The following HECW1 variants were observed in gnomAD, a reference collection of about 807,000 sequenced individuals.
The protein encoded by HECW1 is HECT, C2 and WW domain containing E3 ubiquitin protein ligase 1, also known as E3 ubiquitin-protein ligase HECW1.
HECW1 carries 61 observed loss-of-function variants against 182.3 expected under a neutral mutation model. The ratio of observed to expected loss-of-function variants is 0.33; its 90% CI spans 0.27 to 0.41. The LOEUF (loss-of-function observed/expected upper bound fraction) is 0.41, where lower values mean the gene tolerates loss of function less well. HECW1 is among the 10% of genes least tolerant of loss of function. HECW1 has a pLI of 1.00. For missense variants in HECW1, 1,739 were observed against 2,108.9 expected (o/e 0.82, Z 3.44); for synonymous variants, 859 against 832.6 (o/e 1.03, Z -0.55).
chr7:43,249,569 A>C (rs936440639), intron 3 of HECW1: 1 of 152,246 alleles, frequency 6.6e-6, no homozygotes, highest in African/African-American at 2.4e-5. Context: ...CTGTCTAGAA[A>C]AGGAGACCGG....
chr7:43,394,818 G>A (rs961857173), intron 6 of HECW1, among the ~76,000 whole-genome samples: 7 of 152,154 alleles, frequency 4.6e-5, no homozygotes, highest in Non-Finnish European at 7.3e-5. Flanking sequence ...TGTGCTGTGC[G>A]GGAGACCGGA....
intron 3 of HECW1, chr7:43,249,280 G>A (rs902280482): frequency 6.6e-5 from 10 of 152,546 alleles, no homozygotes; most frequent in East Asian, 5.8e-4. Flanking sequence ...GCCTGTCCCA[G>A]TAACTGTTCC....
intron 2 of HECW1, among the ~76,000 whole-genome samples, chr7:43,186,491 C>T (rs1197678557): frequency 1.3e-5 from 2 of 152,010 alleles, no homozygotes; most frequent in East Asian, 1.9e-4. Context: ...CACGGTGAAA[C>T]CCCGTCTTTA....
intron 2 of HECW1, among the ~76,000 whole-genome samples, chr7:43,240,285 C>CAAAGCTTCAGGTTTCAT (rs1377056700): frequency 7.9e-5 from 12 of 152,102 alleles, no homozygotes; most frequent in African/African-American, 2.9e-4. Context: ...TTGCAGTGAG[C>CAAAGCTTCAGGTTTCAT]CGAGATCTGG....
At chr7:43,478,010 G>GAA (rs35466782) in intron 16 of HECW1, among the ~76,000 whole-genome samples, 1 of 151,484 alleles carries the variant, frequency 6.6e-6, no homozygotes, top group African/African-American at 2.4e-5. Flanking sequence ...GGGTTTTGTT[G>GAA]AAAAAAAAGG....
At chr7:43,185,969 T>A (rs976289632) in intron 2 of HECW1, among the ~76,000 whole-genome samples, 1 of 152,278 alleles carries the variant, frequency 6.6e-6, no homozygotes, top group African/African-American at 2.4e-5. Flanking sequence ...GGATGGGATA[T>A]GGGTTAGGTT....
chr7:43,200,206 G>GCTTTC (rs1465247768), intron 2 of HECW1, among the ~76,000 whole-genome samples: 2 of 152,114 alleles, frequency 1.3e-5, no homozygotes, highest in Non-Finnish European at 2.9e-5. Flanking sequence ...CCAAAAAAAG[G>GCTTTC]CTTTCCTGAA....
chr7:43,474,286 A>T (rs1368327885), intron 16 of HECW1, among the ~76,000 whole-genome samples: 1 of 152,076 alleles, frequency 6.6e-6, no homozygotes, highest in Non-Finnish European at 1.5e-5. Flanking sequence ...CGTCTCTACT[A>T]AAAATACAAA....
intron 3 of HECW1, among the ~76,000 whole-genome samples, chr7:43,260,315 T>C (rs61379617): frequency 0.37 from 55,436 of 151,712 alleles, 11,318 homozygotes; most frequent in African/African-American, 0.55. Flanking sequence ...AAGTAGGCAC[T>C]GAGAAGGGAA....
intron 8 of HECW1, among the ~76,000 whole-genome samples, chr7:43,435,300 C>T (rs2076675698): frequency 6.6e-6 from 1 of 152,090 alleles, no homozygotes; most frequent in Non-Finnish European, 1.5e-5. Context: ...TTTTAAGGAC[C>T]TGAGACAATC....
intron 2 of HECW1, among the ~76,000 whole-genome samples, chr7:43,132,418 G>A (rs1373148717): frequency 6.6e-6 from 1 of 152,068 alleles, no homozygotes; most frequent in Non-Finnish European, 1.5e-5. Context: ...TCATCGAATG[G>A]ATCGCCCCTA....
In HECW1 at chr7:43,565,588, A is replaced by T. The variant is rs140258866; in HGVS notation, c.*3662A>T. The T allele has an allele frequency of 9.7e-4, 161 of 166,692 alleles. No homozygotes were observed. The highest frequency in any genetic ancestry group is 3.7e-3 in the African/African-American group (150 of 41,056). 10.3% of individuals were successfully genotyped at this position (166,692 alleles called of 1,614,324 possible). ...TATTATTATTATTATTATTTTTATT[A>T]TTATTATTATTACGTACTTCAGTGT... On this transcript the variant is annotated 3_prime_UTR_variant, in exon 30 of 30. Coordinates refer to ENST00000395891, the MANE Select transcript of HECW1 (RefSeq NM_015052.5).
In HECW1 at chr7:43,243,892, C is replaced by T. The variant is rs763752256; in HGVS notation, c.-14C>T. On this transcript the variant is annotated 5_prime_UTR_variant, in exon 3 of 30. It adds an upstream start codon to the 5' untranslated region. Transcript: ENST00000395891. The surrounding 1 kb of genome is among the most constrained non-coding windows in gnomAD (Gnocchi z 4.0). ...TTCCCCAGGAATTGATGCGCGTACACGTGGTGGGTCATTATGCTGCTGCAC... is the reference window on the plus strand; with the variant it reads ...TTCCCCAGGAATTGATGCGCGTACATGTGGTGGGTCATTATGCTGCTGCAC... The T allele has an allele frequency of 3.2e-5, 52 of 1,613,236 alleles. No homozygotes were observed. Among genetic ancestry groups the T allele is most frequent in the East Asian group, 2.2e-5 (1 of 44,882 alleles).
intron 26 of HECW1, among the ~76,000 whole-genome samples, chr7:43,545,507 T>A (rs1056864126): frequency 2.0e-5 from 3 of 152,176 alleles, no homozygotes; most frequent in African/African-American, 7.2e-5. Context: ...GGGCGCTGAG[T>A]CCTGTACAGT....
At chr7:43,410,663 CTG>C (rs1465420023) in intron 8 of HECW1, among the ~76,000 whole-genome samples, 1 of 152,162 alleles carries the variant, frequency 6.6e-6, no homozygotes, top group Non-Finnish European at 1.5e-5. Flanking sequence ...TGGAGTTTCT[CTG>C]TGAGAAGACT....
At chr7:43,299,086 T>A (rs992420651) in intron 3 of HECW1, among the ~76,000 whole-genome samples, 1 of 152,222 alleles carries the variant, frequency 6.6e-6, no homozygotes, top group African/African-American at 2.4e-5. Context: ...TTGAATCTAT[T>A]ACCGTATCCT....
intron 15 of HECW1, among the ~76,000 whole-genome samples, chr7:43,468,367 G>A (rs1410234618): frequency 6.6e-6 from 1 of 152,156 alleles, no homozygotes; most frequent in Non-Finnish European, 1.5e-5. Context: ...GGCAGGTAGA[G>A]GGAGGCCAAG....
chr7:43,386,965 G>A (rs2074825605), intron 6 of HECW1, among the ~76,000 whole-genome samples: 2 of 152,214 alleles, frequency 1.3e-5, no homozygotes, highest in African/African-American at 4.8e-5. Flanking sequence ...ATCCAGATGA[G>A]TGTGGCATGC....
chr7:43,230,106 C>A (rs1032969741), intron 2 of HECW1, among the ~76,000 whole-genome samples: 11 of 152,286 alleles, frequency 7.2e-5, no homozygotes, highest in Middle Eastern at 3.4e-3. Flanking sequence ...TAAAAACCAT[C>A]AGTGGGCTGG....
Sources: allele counts gnomAD v4.1 joint callset (sites outside exome capture counted in the v4.1 genomes callset), GRCh38; gene constraint gnomAD v4.1.1; non-coding constraint Gnocchi (gnomAD v3.1); transcripts MANE v1.5; gene names NCBI Gene and HGNC (gene_info 2026-07-23, HGNC 2026-07-21).